The following NME8 variants were observed in gnomAD, a reference collection of about 807,000 sequenced individuals.
NME8 encodes the protein protein NME8.
A neutral mutation model predicts 82.3 loss-of-function variants in NME8; 72 were observed. That is an observed-to-expected ratio of 0.87 (90% CI 0.72 to 1.06). The LOEUF is 1.06. NME8 is among the 50% of genes least tolerant of loss of function. NME8 has a pLI of 0.00. For synonymous variants in NME8, 267 were observed against 228.5 expected (o/e 1.17, Z -1.52); for missense variants, 712 against 685.4 (o/e 1.04, Z -0.43).
intron 15 of NME8, among the ~76,000 whole-genome samples, chr7:37,894,164 A>G (rs2131975064): frequency 6.6e-6 from 1 of 152,288 alleles, no homozygotes; most frequent in South Asian, 2.1e-4. Flanking sequence ...TATGAAGGTG[A>G]AAATAGATCT....
chr7:37,891,781 AAC>A (rs890687526), intron 15 of NME8, among the ~76,000 whole-genome samples: 2 of 152,004 alleles, frequency 1.3e-5, no homozygotes, highest in African/African-American at 4.8e-5. Flanking sequence ...CCTAAAACAA[AAC>A]ACAACAACAA....
At chr7:37,864,672 G>A (rs547727848) in intron 9 of NME8, among the ~76,000 whole-genome samples, 1 of 152,236 alleles carries the variant, frequency 6.6e-6, no homozygotes, top group South Asian at 2.1e-4. Context: ...ATACTAGATT[G>A]TATATTAGTC....
chr7:37,887,091 G>T (rs186514540), intron 14 of NME8, among the ~76,000 whole-genome samples: 1 of 152,264 alleles, frequency 6.6e-6, no homozygotes, highest in East Asian at 1.9e-4. Context: ...AGCATTATTT[G>T]CTACTGAAAT....
rs1562838423 is a variant in NME8, at chr7:37,882,629, AAGAAAGAAAGAAAG to A, written c.995-1644_995-1631del. 2.9e-3 allele frequency among the ~76,000 whole-genome samples: 363 copies of A among 125,610 alleles called. 7 individuals carry two copies. Among genetic ancestry groups the A allele is most frequent in the South Asian group, 0.012 (47 of 4,034 alleles). 82.4% of individuals were successfully genotyped at this position (125,610 alleles called of 152,430 possible). On this transcript the variant is annotated intron_variant, in intron 12 of 17. Coordinates refer to ENST00000199447, the MANE Select transcript of NME8 (RefSeq NM_016616.5). ...AGAGAGAGAGAGAAAGAAAGAAAGA[AAGAAAGAAAGAAAG>A]AGAAAGAAAGAAAGAGAAAGAAAGA...
intron 16 of NME8, among the ~76,000 whole-genome samples, chr7:37,896,093 G>A (rs1450861): frequency 0.93 from 141,882 of 152,228 alleles, 66,432 homozygotes; most frequent in Non-Finnish European, 0.97. Flanking sequence ...TTAATTGCAT[G>A]TCTTCTCTTT....
At chr7:37,875,263 G>A (rs866595147) in intron 11 of NME8, among the ~76,000 whole-genome samples, 1 of 152,172 alleles carries the variant, frequency 6.6e-6, no homozygotes, top group Non-Finnish European at 1.5e-5. Context: ...CTACAGATAA[G>A]ATGGTATTAG....
chr7:37,898,849 G>T (rs1156297138), intron 17 of NME8, among the ~76,000 whole-genome samples: 1 of 152,106 alleles, frequency 6.6e-6, no homozygotes, highest in Non-Finnish European at 1.5e-5. Flanking sequence ...TCAAATGGTT[G>T]CAATGGCAAA....
intron 17 of NME8, among the ~76,000 whole-genome samples, chr7:37,898,982 C>T (rs929015591): frequency 1.3e-5 from 2 of 152,086 alleles, no homozygotes. Context: ...CTCTTCAAAA[C>T]CCATTCCAAA....
chr7:37,895,695 G>A (rs1785216806), intron 16 of NME8, among the ~76,000 whole-genome samples: 2 of 151,968 alleles, frequency 1.3e-5, no homozygotes, highest in African/African-American at 4.8e-5. Flanking sequence ...TACAGCAGTA[G>A]TCCCATAAGA....
chr7:37,874,183 T>A (rs2598027), intron 11 of NME8, among the ~76,000 whole-genome samples: 3 of 151,968 alleles, frequency 2.0e-5, no homozygotes, highest in Admixed American at 1.3e-4. Context: ...AAAACAGTTC[T>A]TAACAGTGAA....
At position 37,863,450 on chromosome 7, in the gene NME8, T is replaced by A; in HGVS notation, c.442T>A (p.Cys148Ser). 6.3e-7 allele frequency: 1 copy of A among 1,594,746 alleles called. No individual in the cohort carries two copies. The highest frequency in any genetic ancestry group is 8.6e-7 in the Non-Finnish European group (1 of 1,162,380). The change falls in exon 8 of 18, where the codon TGT (cysteine) becomes AGT (serine). Residue 148 changes from cysteine to serine, a missense_variant. Transcript: ENST00000199447. ...TTCAGAAGTTAGTGAAGAATCACCA[T>A]GTGAAAGTGTTCGTAAGTAAATTTA... is the stretch of plus-strand genomic sequence containing the variant. Reference protein sequence around the residue: ...SDSEVSEESPCESVQELYSIA... With the variant: ...SDSEVSEESPSESVQELYSIA...
chr7:37,859,753 A>G (rs938173983), intron 6 of NME8, among the ~76,000 whole-genome samples: 4 of 152,172 alleles, frequency 2.6e-5, no homozygotes, highest in African/African-American at 4.8e-5. Flanking sequence ...GGACTTTAGT[A>G]TCCACACTGA....
rs770220386 is a variant in NME8, at chr7:37,884,397, G to A, written c.1089G>A (p.Lys363=). The change falls in exon 13 of 18, where the codon AAG becomes AAA. Residue 363 remains lysine (K), a synonymous_variant. Coordinates refer to ENST00000199447, the MANE Select transcript of NME8 (RefSeq NM_016616.5). ...AAAAAGAAGCACAAGCACTGTGCAA[G>A]GAATATGAAAATGAAGACTATTTTA... ...LSEKEAQALC[K]EYENEDYFNK... 9 of 1,610,482 alleles carry A rather than the reference G, an allele frequency of 5.6e-6. No individual in the cohort carries two copies. Among genetic ancestry groups the A allele is most frequent in the Non-Finnish European group, 7.6e-6 (9 of 1,176,932 alleles).
rs1785189807 is a variant in NME8, at chr7:37,894,590, T to C, written c.1524T>C (p.Asp508=). ...PKVTGKDFYK[D]LLEMLSVGPS... ...TAACAGGAAAAGACTTTTATAAAGA[T>C]TTATTGGAAATGTTATCTGTGTAAG... Residue 508 remains aspartate, a synonymous_variant, in exon 16 of 18, where the codon GAT becomes GAC. Coordinates refer to ENST00000199447, the MANE Select transcript of NME8 (RefSeq NM_016616.5). 1.9e-6 allele frequency: 3 copies of C among 1,591,536 alleles called. No homozygotes were observed. Among genetic ancestry groups the C allele is most frequent in the Non-Finnish European group, 1.7e-6 (2 of 1,160,074 alleles).
chr7:37,861,586 T>G (rs2249433), intron 6 of NME8, among the ~76,000 whole-genome samples: 128,377 of 152,118 alleles, frequency 0.84, 55,259 homozygotes, highest in Non-Finnish European at 0.95. Context: ...GATCCATTAT[T>G]TTATACCATT....
At chr7:37,873,221 G>A (rs1032019881) in intron 11 of NME8, among the ~76,000 whole-genome samples, 3 of 152,122 alleles carry the variant, frequency 2.0e-5, no homozygotes, top group East Asian at 1.9e-4. Flanking sequence ...TTGGCCAGGC[G>A]TGGTGGCCCA....
chr7:37,883,917 C>T (rs1450843), intron 12 of NME8, among the ~76,000 whole-genome samples: 71,058 of 151,768 alleles, frequency 0.47, 17,071 homozygotes, highest in East Asian at 0.74. Flanking sequence ...AAATTATTTG[C>T]AATGACTTCC....
chr7:37,851,241 A>G (rs1419129512), intron 5 of NME8, among the ~76,000 whole-genome samples: 1 of 152,210 alleles, frequency 6.6e-6, no homozygotes, highest in Non-Finnish European at 1.5e-5. Flanking sequence ...TGATCAACTA[A>G]TTAGAATTTC....
chr7:37,864,529 C>T (rs1784648135), intron 9 of NME8, 108 bp downstream of exon 9: 4 of 1,152,772 alleles, frequency 3.5e-6, no homozygotes, highest in Non-Finnish European at 4.9e-6. Flanking sequence ...ACAAAATGCA[C>T]TACTGGTGCT....
Sources: gnomAD v4.1 joint callset for allele counts (sites outside exome capture counted in the v4.1 genomes callset) on GRCh38, gnomAD v4.1.1 for gene constraint, MANE v1.5 for transcripts, NCBI Gene and HGNC (gene_info 2026-07-23, HGNC 2026-07-21) for gene names.